The following CACNA2D1 variants were observed in gnomAD, a reference collection of about 807,000 sequenced individuals.
CACNA2D1 encodes the protein voltage-dependent calcium channel subunit alpha-2/delta-1.
CACNA2D1 carries 53 observed loss-of-function variants against 171.5 expected under a neutral mutation model. The observed-to-expected ratio is 0.31, with a 90% CI of 0.25 to 0.39. The LOEUF is 0.39. Among genes scored for constraint, CACNA2D1 ranks in the 10% least tolerant of loss-of-function variants. The probability of loss-of-function intolerance (pLI) is 1.00; values close to 1 mark genes in which losing one functional copy is unlikely to be tolerated. For missense variants in CACNA2D1, 903 were observed against 1,299.8 expected, an observed-to-expected ratio of 0.69 and a Z score of 4.69; for synonymous variants, 442 against 443.1, an observed-to-expected ratio of 1.00 and a Z score of 0.03.
At chr7:82,060,986 A>G (rs1192456670) in intron 9 of CACNA2D1, among the ~76,000 whole-genome samples, 2 of 152,130 alleles carry the variant, frequency 1.3e-5, no homozygotes, top group East Asian at 1.9e-4. Context: ...TCTGCATCCT[A>G]AAGTAAATAT....
At chr7:82,314,772 T>A (rs1252069656) in intron 3 of CACNA2D1, among the ~76,000 whole-genome samples, 4 of 152,120 alleles carry the variant, frequency 2.6e-5, no homozygotes, top group African/African-American at 9.7e-5. Context: ...ATAATGATAT[T>A]TTAATATGAT....
At chr7:82,050,013 A>T (rs1562924265) in intron 10 of CACNA2D1, among the ~76,000 whole-genome samples, 1 of 152,236 alleles carries the variant, frequency 6.6e-6, no homozygotes, top group Non-Finnish European at 1.5e-5. Flanking sequence ...AGCAATTTAC[A>T]ATTGTACTCA....
At chr7:82,046,939 TTC>T (rs1804624984) in intron 10 of CACNA2D1, among the ~76,000 whole-genome samples, 1 of 152,206 alleles carries the variant, frequency 6.6e-6, no homozygotes, top group African/African-American at 2.4e-5. Context: ...TTTTAATATA[TTC>T]TTTTTATATT....
chr7:82,168,203 T>G (rs1795663005), intron 4 of CACNA2D1, among the ~76,000 whole-genome samples: 1 of 151,988 alleles, frequency 6.6e-6, no homozygotes, highest in Non-Finnish European at 1.5e-5. Context: ...TAGTACAGTG[T>G]CATGATCTTG....
intron 2 of CACNA2D1, among the ~76,000 whole-genome samples, chr7:82,338,919 G>T (rs1169492870): frequency 5.3e-5 from 8 of 152,128 alleles, no homozygotes; most frequent in Admixed American, 6.5e-5. Context: ...ATGGAAAGTG[G>T]GAAGCAGACA....
chr7:81,980,144 G>C (rs560203699), intron 24 of CACNA2D1, among the ~76,000 whole-genome samples: 46 of 39,180 alleles, frequency 1.2e-3, no homozygotes, highest in African/African-American at 4.8e-3. Flanking sequence ...AGAATTAATG[G>C]AAAAAAGAAG....
At chr7:82,272,497 G>A (rs1037150461) in intron 3 of CACNA2D1, among the ~76,000 whole-genome samples, 6 of 152,098 alleles carry the variant, frequency 3.9e-5, no homozygotes, top group Admixed American at 6.6e-5. Context: ...AAGAAACTAG[G>A]TTGTAAAAGG....
intron 6 of CACNA2D1, among the ~76,000 whole-genome samples, chr7:82,095,812 C>A (rs911510026): frequency 6.6e-6 from 1 of 152,102 alleles, no homozygotes; most frequent in Non-Finnish European, 1.5e-5. Context: ...CAATGATAGG[C>A]GGTGGATGGG....
intron 6 of CACNA2D1, among the ~76,000 whole-genome samples, chr7:82,098,902 A>T (rs575219035): frequency 6.6e-6 from 1 of 152,318 alleles, no homozygotes; most frequent in African/African-American, 2.4e-5. Context: ...AAAACTATAA[A>T]TGACTTTTCA....
chr7:82,041,324 C>A (rs1430856197), intron 10 of CACNA2D1, among the ~76,000 whole-genome samples: 2 of 152,078 alleles, frequency 1.3e-5, no homozygotes, highest in African/African-American at 4.8e-5. Context: ...AGGTGACACA[C>A]AGAGGAATGG....
intron 1 of CACNA2D1, among the ~76,000 whole-genome samples, chr7:82,351,073 A>G (rs11978855): frequency 0.14 from 20,912 of 152,192 alleles, 2,207 homozygotes; most frequent in African/African-American, 0.29. Context: ...GACCTAAAGC[A>G]TGTATTCCTT....
At chr7:82,165,304 T>G (rs114284042) in intron 4 of CACNA2D1, among the ~76,000 whole-genome samples, 1 of 151,984 alleles carries the variant, frequency 6.6e-6, no homozygotes. Flanking sequence ...ACAGGACATA[T>G]CATCATGATG....
At chr7:82,171,912 G>A (rs1200853074) in intron 3 of CACNA2D1, among the ~76,000 whole-genome samples, 3 of 151,974 alleles carry the variant, frequency 2.0e-5, no homozygotes, top group African/African-American at 7.2e-5. Flanking sequence ...TCTTCCTGTG[G>A]AGGTCCAGTC....
intron 3 of CACNA2D1, among the ~76,000 whole-genome samples, chr7:82,199,756 C>T (rs1234635828): frequency 6.6e-6 from 1 of 151,742 alleles, no homozygotes; most frequent in Non-Finnish European, 1.5e-5. Flanking sequence ...AGCATATGTC[C>T]ATAAAAAGAG....
At chr7:82,033,146 A>G (rs1342947871) in intron 11 of CACNA2D1, 1 of 371,982 alleles carries the variant, frequency 2.7e-6, no homozygotes, top group African/African-American at 2.0e-5. Flanking sequence ...ACGCCACTTT[A>G]TCATGAGGTG....
At chr7:82,180,676 G>A (rs1037075351) in intron 3 of CACNA2D1, among the ~76,000 whole-genome samples, 1 of 152,100 alleles carries the variant, frequency 6.6e-6, no homozygotes, top group Admixed American at 6.6e-5. Context: ...TAGTCCTATG[G>A]GACGGGTAAG....
rs531826819 is a variant in CACNA2D1 at position 82,419,412 on chromosome 7, G to A, written c.95+23953C>T. Among the ~76,000 whole-genome samples the A allele has an allele frequency of 2.6e-4, 40 of 152,190 alleles. 1 individual carries two copies. The South Asian group carries it at 4.6e-3, about 17-fold the overall frequency. ...AAGCATTTTATGCACTATGCACATG[G>A]GCAGGATAGATAGCCTAATTTCCGC... On this transcript the variant is annotated intron_variant, in intron 1 of 38. Transcript: ENST00000356860.
intron 20 of CACNA2D1, among the ~76,000 whole-genome samples, chr7:81,991,711 A>G (rs1157659059): frequency 6.6e-6 from 1 of 152,204 alleles, no homozygotes; most frequent in East Asian, 1.9e-4. Flanking sequence ...ACTCAGTATC[A>G]CTGAAGGTTA....
intron 3 of CACNA2D1, among the ~76,000 whole-genome samples, chr7:82,334,652 A>C (rs191567618): frequency 1.8e-4 from 27 of 152,224 alleles, no homozygotes; most frequent in African/African-American, 6.3e-4. Context: ...TTAGCAAAGC[A>C]TTTTTGTGAG....
Sources: allele counts gnomAD v4.1 joint callset (sites outside exome capture counted in the v4.1 genomes callset), GRCh38; gene constraint gnomAD v4.1.1; transcripts MANE v1.5; gene names NCBI Gene and HGNC (gene_info 2026-07-23, HGNC 2026-07-21).